BEND4: variants seen among roughly 807,000 people sequenced by gnomAD.
BEND4 encodes BEN domain-containing protein 4.
BEND4 carries 27 observed loss-of-function variants against 54.7 expected under a neutral mutation model. That is an observed-to-expected ratio of 0.49 (90% confidence interval 0.36 to 0.68). BEND4 has a LOEUF of 0.68. Among genes scored for constraint, BEND4 ranks in the 30% least tolerant of loss-of-function variants. The pLI, the probability that BEND4 is intolerant of heterozygous loss-of-function variation, is 0.00. For missense variants in BEND4, 702 were observed against 697.2 expected (o/e 1.01, Z -0.08); for synonymous variants, 327 against 299.5 (o/e 1.09, Z -0.95).
At position 42,152,298 on chromosome 4, in the gene BEND4, C is replaced by G. The variant is rs1163496792; in HGVS notation, c.-155G>C. 3 of 713,882 alleles carry G rather than the reference C, an allele frequency of 4.2e-6. No homozygotes were observed. The highest frequency in any genetic ancestry group is 5.7e-6 in the Non-Finnish European group (3 of 523,766). 44.2% of individuals were successfully genotyped at this position (713,882 alleles called of 1,614,324 possible). On this transcript the variant is annotated 5_prime_UTR_variant, in exon 2 of 6. Transcript: ENST00000502486. Reference sequence around the variant, plus strand: ...CGTGGCCGCCGCCGCCGCCGCCTGTCGCTGAGGCTGGCATCGCCGAGCCCC... The same window carrying G: ...CGTGGCCGCCGCCGCCGCCGCCTGTGGCTGAGGCTGGCATCGCCGAGCCCC...
At chr4:42,151,563 GGTAA>G in intron 2 of BEND4, 90 bp downstream of exon 2, 1 of 1,301,898 alleles carries the variant, frequency 7.7e-7, no homozygotes, top group South Asian at 1.7e-5. Context: ...GCCCAGCACG[GGTAA>G]GTGTCGGCGG....
At chr4:42,145,435 C>T (rs1367885192) in intron 2 of BEND4, among the ~76,000 whole-genome samples, 1 of 152,124 alleles carries the variant, frequency 6.6e-6, no homozygotes, top group Non-Finnish European at 1.5e-5. Context: ...TGGCTCACAC[C>T]TGTAATCTCA....
chr4:42,149,863 G>A (rs1000290012), intron 2 of BEND4, among the ~76,000 whole-genome samples: 1 of 152,100 alleles, frequency 6.6e-6, no homozygotes, highest in Non-Finnish European at 1.5e-5. Flanking sequence ...AACTATGGAT[G>A]AAAATGGAAA....
chr4:42,142,728 G>A (rs1180138280), intron 3 of BEND4, among the ~76,000 whole-genome samples: 1 of 149,036 alleles, frequency 6.7e-6, no homozygotes, highest in Non-Finnish European at 1.5e-5. Flanking sequence ...CCAGAAAGAT[G>A]ATTTTACTAC....
chr4:42,151,111 AG>A (rs754126098), intron 2 of BEND4: 10 of 152,420 alleles, frequency 6.6e-5, no homozygotes, highest in Admixed American at 3.9e-4. Context: ...AAAAGACAGA[AG>A]GAAAAACGGA....
chr4:42,115,191 A>AGC lies in BEND4; in HGVS notation c.*2326_*2327insGC, dbSNP rs1158443694. On this transcript the variant is annotated 3_prime_UTR_variant, in exon 6 of 6. Transcript: ENST00000502486. ...AGAAACAGCTGATAGAGAAATGATTAACCTGGAATGGGTGCGAGGGAGGAA... is the reference window on the plus strand; with the variant it reads ...AGAAACAGCTGATAGAGAAATGATTAGCACCTGGAATGGGTGCGAGGGAGGAA... 3.9e-5 allele frequency: 6 copies of AGC among 152,404 alleles called. No homozygotes were observed. The East Asian group carries it at 1.2e-3, about 29-fold the overall frequency. 9.4% of individuals were successfully genotyped at this position (152,404 alleles called of 1,614,324 possible).
At chr4:42,125,083 T>C (rs577502286) in intron 4 of BEND4, among the ~76,000 whole-genome samples, 1 of 152,338 alleles carries the variant, frequency 6.6e-6, no homozygotes, top group South Asian at 2.1e-4. Context: ...ACCATCTTTA[T>C]TACTATTAAA....
intron 4 of BEND4, among the ~76,000 whole-genome samples, chr4:42,123,113 A>C (rs970938246): frequency 1.3e-5 from 2 of 152,252 alleles, no homozygotes; most frequent in Non-Finnish European, 2.9e-5. Flanking sequence ...AAAGAAAAAG[A>C]AAGCAATTTA....
In BEND4 at chr4:42,117,672, T is replaced by C; in HGVS notation, c.1451A>G (p.Asn484Ser). 1 of 1,611,066 alleles carries C rather than the reference T, an allele frequency of 6.2e-7. No individual in the cohort carries two copies. The highest frequency in any genetic ancestry group is 8.5e-7 in the Non-Finnish European group (1 of 1,178,632). ...ACCGACAGCGTCGCTGAACACTTTG[T>C]TTATCTGCTCTTCCGAGGGCATCCA... Reference protein sequence around the residue: ...DWWMPSEEQINKVFSDAVGHA... With the variant: ...DWWMPSEEQISKVFSDAVGHA... Residue 484 changes from asparagine (N) to serine (S), a missense_variant, in exon 6 of 6, where the codon AAC becomes AGC. Coordinates refer to ENST00000502486, the MANE Select transcript of BEND4 (RefSeq NM_207406.4).
intron 2 of BEND4, chr4:42,151,291 G>C (rs1721266973): frequency 1.0e-5 from 2 of 193,774 alleles, no homozygotes; most frequent in Non-Finnish European, 1.0e-5. Flanking sequence ...GGGCGTCCCA[G>C]CGGGGCGGCC....
intron 5 of BEND4, among the ~76,000 whole-genome samples, chr4:42,119,488 A>C (rs553280975): frequency 3.9e-5 from 6 of 152,310 alleles, no homozygotes; most frequent in Admixed American, 1.3e-4. Context: ...TCAACTGCAA[A>C]GTAATCAGCT....
At chr4:42,127,734 A>G (rs1038395264) in intron 3 of BEND4, among the ~76,000 whole-genome samples, 1 of 152,246 alleles carries the variant, frequency 6.6e-6, no homozygotes, top group African/African-American at 2.4e-5. Context: ...GCAAGGGTAC[A>G]TATGTCACTG....
chr4:42,142,097 G>T (rs1720908486), intron 3 of BEND4, among the ~76,000 whole-genome samples: 1 of 151,448 alleles, frequency 6.6e-6, no homozygotes, highest in South Asian at 2.1e-4. Context: ...AGTAGAGACG[G>T]GGTTTCACCA....
rs555779615 is a variant in BEND4 at position 42,126,030 on chromosome 4, C to T, written c.1055-356G>A. Reference sequence around the variant, plus strand: ...TGCTGGGTTCACAGGCGCAAGCCACCGCACCCAGCCTCTAAAAAGATTTTT... The same window carrying T: ...TGCTGGGTTCACAGGCGCAAGCCACTGCACCCAGCCTCTAAAAAGATTTTT... On this transcript the variant is annotated intron_variant, in intron 3 of 5. Coordinates refer to ENST00000502486, the MANE Select transcript of BEND4 (RefSeq NM_207406.4). Among the ~76,000 whole-genome samples the T allele has an allele frequency of 1.7e-3, 256 of 151,812 alleles. 4 individuals carry two copies. Among genetic ancestry groups the T allele is most frequent in the African/African-American group, 4.6e-3 (190 of 41,382 alleles).
In BEND4 at chr4:42,111,376, G is replaced by T. The variant is rs1719556652; in HGVS notation, c.*6142C>A. 1 of 152,180 alleles carries T rather than the reference G, an allele frequency of 6.6e-6. No individual in the cohort carries two copies. Among genetic ancestry groups the T allele is most frequent in the South Asian group, 2.1e-4 (1 of 4,830 alleles). The allele number at this position is 152,180 out of a possible 1,614,324, so 9.4% of individuals were successfully genotyped here. ...ACAAGTATTCATCATAGAAAATAGA[G>T]TAAAGGCAACTCGGCCCCGGTGTTA... On this transcript the variant is annotated 3_prime_UTR_variant, in exon 6 of 6. Coordinates refer to ENST00000502486, the MANE Select transcript of BEND4 (RefSeq NM_207406.4).
Position 42,143,723 on chromosome 4 carries a change from T to G in BEND4, c.759A>C (p.Leu253=), listed in dbSNP as rs553145276. ...SAFLRVFTDS[L]QNYLLSGSFP... is the part of the protein sequence containing the mutation. ...AGCTTCCCGAGAGCAGGTAATTTTG[T>G]AGAGAGTCAGTGAAAACCCTCAAAA... Residue 253 remains leucine, a synonymous_variant, in exon 3 of 6, where the codon CTA becomes CTC. Coordinates refer to ENST00000502486, the MANE Select transcript of BEND4 (RefSeq NM_207406.4). 55 of 1,614,066 alleles carry G rather than the reference T, an allele frequency of 3.4e-5. No individual in the cohort carries two copies. The East Asian group carries it at 1.1e-3, about 33-fold the overall frequency.
intron 5 of BEND4, among the ~76,000 whole-genome samples, chr4:42,118,872 C>T (rs1250708275): frequency 6.6e-6 from 1 of 152,202 alleles, no homozygotes; most frequent in Non-Finnish European, 1.5e-5. Flanking sequence ...CACTTAGTCA[C>T]TCTGAGTAAG....
rs2153144088 is a variant in BEND4 at position 42,115,921 on chromosome 4, T to C, written c.*1597A>G. 6.6e-6 allele frequency: 1 copy of C among 152,358 alleles called. No homozygotes were observed. The highest frequency in any genetic ancestry group is 1.5e-5 in the Non-Finnish European group (1 of 68,018). The allele number at this position is 152,358 out of a possible 1,614,324, so 9.4% of individuals were successfully genotyped here. On this transcript the variant is annotated 3_prime_UTR_variant, in exon 6 of 6. Coordinates refer to ENST00000502486, the MANE Select transcript of BEND4 (RefSeq NM_207406.4). ...GAAATATTAGTGCCCACTACATCAT[T>C]GAGCAGATCTGACAGATGACCACCT...
chr4:42,152,163 C>A lies in BEND4; in HGVS notation c.-20G>T. 8.1e-7 allele frequency: 1 copy of A among 1,240,640 alleles called. No individual in the cohort carries two copies. The highest frequency in any genetic ancestry group is 1.0e-6 in the Non-Finnish European group (1 of 984,372). 76.9% of individuals were successfully genotyped at this position (1,240,640 alleles called of 1,614,324 possible). On this transcript the variant is annotated 5_prime_UTR_variant, in exon 2 of 6. Transcript: ENST00000502486. ...CTCCATCCGGCGCCTCGGGGCCGGT[C>A]CCTCGGAGCACGTCCCCTCCCCGCC...
Sources: allele counts gnomAD v4.1 joint callset (sites outside exome capture counted in the v4.1 genomes callset), GRCh38; gene constraint gnomAD v4.1.1; transcripts MANE v1.5; gene names NCBI Gene and HGNC (gene_info 2026-07-23, HGNC 2026-07-21).